The following CDK5RAP1 variants were observed in gnomAD, a reference collection of about 807,000 sequenced individuals.
The protein encoded by CDK5RAP1 is mitochondrial tRNA methylthiotransferase CDK5RAP1.
In CDK5RAP1, 62 loss-of-function variants were observed where a neutral mutation model predicts 64.5. The observed-to-expected ratio is 0.96, with a 90% CI of 0.78 to 1.19. The LOEUF (loss-of-function observed/expected upper bound fraction) is 1.19, where lower values mean the gene tolerates loss of function less well. CDK5RAP1 is among the 50% of genes most tolerant of loss of function. The pLI is 0.00. For synonymous variants in CDK5RAP1, 250 were observed against 261.9 expected (o/e 0.95, Z 0.44); for missense variants, 657 against 735.0 (o/e 0.89, Z 1.23).
intron 12 of CDK5RAP1, among the ~76,000 whole-genome samples, chr20:33,362,171 C>A (rs1983061616): frequency 6.6e-6 from 1 of 151,782 alleles, no homozygotes; most frequent in Admixed American, 6.6e-5. Flanking sequence ...TAAAAAGCCT[C>A]AAAAAAATCC....
chr20:33,397,173 A>G, intron 1 of CDK5RAP1, 89 bp from the exon 2 acceptor site: 1 of 920,028 alleles, frequency 1.1e-6, no homozygotes, highest in Non-Finnish European at 1.6e-6. Context: ...ACATCTATTT[A>G]CCCCTCACAA....
At chr20:33,379,323 G>T (rs1986440288) in intron 8 of CDK5RAP1, 138 bp downstream of exon 8, 1 of 634,158 alleles carries the variant, frequency 1.6e-6, no homozygotes, top group Non-Finnish European at 2.8e-6. Context: ...AGGACCAGCA[G>T]ATCTGGAGGG....
intron 8 of CDK5RAP1, among the ~76,000 whole-genome samples, chr20:33,376,008 C>T (rs1985946747): frequency 6.6e-6 from 1 of 152,184 alleles, no homozygotes; most frequent in South Asian, 2.1e-4. Context: ...CAGGCATGTG[C>T]CACCATGCCC....
intron 12 of CDK5RAP1, 27 bp downstream of exon 12, chr20:33,366,832 A>G: frequency 6.3e-7 from 1 of 1,586,660 alleles, no homozygotes; most frequent in Non-Finnish European, 8.6e-7. Context: ...ATAAAAAACA[A>G]CATAACACAC....
In CDK5RAP1 at chr20:33,381,284, A is replaced by G. The variant is rs539775477; in HGVS notation, c.877-1593T>C. ...CTCTTTTACTTCCAAATATTTTAGT[A>G]TATATTTCTTAAAAACAAGGGCATT... On this transcript the variant is annotated intron_variant, in intron 7 of 13. Coordinates refer to ENST00000346416, the MANE Select transcript of CDK5RAP1 (RefSeq NM_016408.4). 1.7e-4 allele frequency among the ~76,000 whole-genome samples: 26 copies of G among 152,278 alleles called. No homozygotes were observed. In the South Asian group the frequency reaches 5.4e-3, roughly 32 times the overall value.
intron 5 of CDK5RAP1, among the ~76,000 whole-genome samples, chr20:33,389,362 G>A (rs1394360313): frequency 2.6e-5 from 4 of 151,740 alleles, no homozygotes; most frequent in Non-Finnish European, 5.9e-5. Flanking sequence ...CGCCCCGTCT[G>A]AGAAGTGAGG....
chr20:33,385,803 T>C (rs1987359980), intron 6 of CDK5RAP1, 33 bp from the exon 7 acceptor site: 4 of 1,595,124 alleles, frequency 2.5e-6, no homozygotes, highest in Non-Finnish European at 3.4e-6. Context: ...TTAGTAACAG[T>C]AGCAGGGTGT....
chr20:33,380,838 T>TA (rs1986663946), intron 7 of CDK5RAP1, among the ~76,000 whole-genome samples: 1 of 151,964 alleles, frequency 6.6e-6, no homozygotes, highest in South Asian at 2.1e-4. Flanking sequence ...CCTTCTCTAC[T>TA]AAAAATACAA....
chr20:33,379,776 C>A (rs1450206711), intron 7 of CDK5RAP1, 85 bp from the exon 8 acceptor site: 2 of 1,014,966 alleles, frequency 2.0e-6, no homozygotes, highest in African/African-American at 3.2e-5. Context: ...CTGAAATTAA[C>A]ATATCTTTTG....
At position 33,358,974 on chromosome 20, in the gene CDK5RAP1, T is replaced by C; in HGVS notation, c.*69A>G. The stretch of plus-strand genomic sequence containing the variant: ...CCACCTTCATGACCTGTTTCCTCAG[T>C]GGCAGGCAATGTCTCCCCTTCCTGT... On this transcript the variant is annotated 3_prime_UTR_variant, in exon 14 of 14. Transcript: ENST00000346416. 14 of 1,127,700 alleles carry C rather than the reference T, an allele frequency of 1.2e-5. No homozygotes were observed. Among genetic ancestry groups the C allele is most frequent in the Non-Finnish European group, 1.9e-5 (14 of 747,914 alleles). 69.9% of individuals were successfully genotyped at this position (1,127,700 alleles called of 1,614,324 possible).
At chr20:33,360,165 G>C (rs968852672) in intron 13 of CDK5RAP1, 186 bp downstream of exon 13, 1 of 598,336 alleles carries the variant, frequency 1.7e-6, no homozygotes, top group African/African-American at 1.9e-5. Context: ...GAATAGGTAA[G>C]AAGAATAAGA....
chr20:33,372,581 A>G, intron 10 of CDK5RAP1, 61 bp downstream of exon 10: 1 of 864,208 alleles, frequency 1.2e-6, no homozygotes, highest in Non-Finnish European at 1.7e-6. Context: ...GACTGTATCT[A>G]ACCACAAGGC....
At chr20:33,397,219 TCTGTTTTA>T in intron 1 of CDK5RAP1, 135 bp from the exon 2 acceptor site, 2 of 591,198 alleles carry the variant, frequency 3.4e-6, no homozygotes, top group East Asian at 6.1e-5. Flanking sequence ...TAATATGACC[TCTGTTTTA>T]CAGTTGAAAA....
intron 12 of CDK5RAP1, among the ~76,000 whole-genome samples, chr20:33,366,343 C>T (rs1375038911): frequency 1.4e-5 from 2 of 146,104 alleles, no homozygotes; most frequent in Admixed American, 1.4e-4. Context: ...AAAAAAAGGC[C>T]GGGCACGGTG....
chr20:33,379,474 T>C lies in CDK5RAP1; in HGVS notation c.1094A>G (p.Asp365Gly). 6.2e-7 allele frequency: 1 copy of C among 1,612,004 alleles called. No individual in the cohort carries two copies. Among genetic ancestry groups the C allele is most frequent in the Non-Finnish European group, 8.5e-7 (1 of 1,178,216 alleles). Reference sequence around the variant, plus strand: ...CCTGACGCTCACCTCATCAGGAAAATCCTTGGGGTGGGGAGAGGTAAAACG... The same window carrying C: ...CCTGACGCTCACCTCATCAGGAAAACCCTTGGGGTGGGGAGAGGTAAAACG... ...RIRFTSPHPK[D>G]FPDEVLQLIH... The change falls in exon 8 of 14, where the codon GAT becomes GGT. Residue 365 changes from aspartate (D) to glycine (G), a missense_variant. Physicochemically the swap from Asp to Gly is moderately conservative, Grantham distance 94. Transcript: ENST00000346416.
chr20:33,364,420 C>A (rs964657345), intron 12 of CDK5RAP1, among the ~76,000 whole-genome samples: 8 of 151,870 alleles, frequency 5.3e-5, no homozygotes, highest in Non-Finnish European at 1.5e-5. Context: ...AACTCCTGAC[C>A]TCATGATCCA....
chr20:33,360,760 A>C (rs1000384503), intron 12 of CDK5RAP1, among the ~76,000 whole-genome samples: 8 of 152,238 alleles, frequency 5.3e-5, no homozygotes, highest in African/African-American at 1.9e-4. Flanking sequence ...TTCTGCAGGA[A>C]TGGACCTCCA....
chr20:33,384,548 A>T (rs1373499490), intron 7 of CDK5RAP1, among the ~76,000 whole-genome samples: 1 of 152,158 alleles, frequency 6.6e-6, no homozygotes, highest in Admixed American at 6.5e-5. Context: ...ATCTGGGGGT[A>T]GGGCAAGAGA....
chr20:33,399,945 G>A (rs779161618), intron 1 of CDK5RAP1, among the ~76,000 whole-genome samples: 1 of 152,192 alleles, frequency 6.6e-6, no homozygotes, highest in South Asian at 2.1e-4. Context: ...TTGGGAAGCT[G>A]AGGTAGGAGG....
Sources: gnomAD v4.1 joint callset for allele counts (sites outside exome capture counted in the v4.1 genomes callset) on GRCh38, gnomAD v4.1.1 for gene constraint, MANE v1.5 for transcripts, NCBI Gene and HGNC (gene_info 2026-07-23, HGNC 2026-07-21) for gene names.